The following ABLIM2 variants were observed in gnomAD, a reference collection of about 807,000 sequenced individuals.
The protein encoded by ABLIM2 is actin-binding LIM protein 2.
ABLIM2 carries 53 observed loss-of-function variants against 97.7 expected under a neutral mutation model. That is an observed-to-expected ratio of 0.54 (90% CI 0.44 to 0.68). The LOEUF is 0.68. Ranked by LOEUF, ABLIM2 falls within the 30% of genes least tolerant of loss-of-function variation. The pLI is 0.00. For synonymous variants in ABLIM2, 361 were observed against 345.8 expected (o/e 1.04, Z -0.49); for missense variants, 835 against 867.2 (o/e 0.96, Z 0.47).
In ABLIM2 at chr4:8,112,296, T is replaced by C. The variant is rs1302486580; in HGVS notation, c.11-5659A>G. ...CAGAATGGGAGCCAGCAGGGTCCGG[T>C]TTGGACCCACCATCCAGGGGCAGCG... On this transcript the variant is annotated intron_variant, in intron 1 of 20. Coordinates refer to ENST00000447017, the MANE Select transcript of ABLIM2 (RefSeq NM_001130083.2). The surrounding 1 kb of genome is among the most constrained non-coding windows in gnomAD (Gnocchi z 4.2). Among the ~76,000 whole-genome samples the C allele has an allele frequency of 1.3e-5, 2 of 152,212 alleles. No individual in the cohort carries two copies. Among genetic ancestry groups the C allele is most frequent in the African/African-American group, 2.4e-5 (1 of 41,450 alleles).
intron 9 of ABLIM2, among the ~76,000 whole-genome samples, chr4:8,039,985 G>T (rs1487211334): frequency 6.7e-6 from 1 of 150,236 alleles, no homozygotes; most frequent in Non-Finnish European, 1.5e-5. Flanking sequence ...GGTCTACTGT[G>T]TGCACATTTT....
At position 8,132,538 on chromosome 4, in the gene ABLIM2, T is replaced by C. The variant is rs1849579639; in HGVS notation, c.11-25901A>G. The stretch of plus-strand genomic sequence containing the variant: ...CAGCTCCCTCTGAGTGCTGGATGCC[T>C]CCGTGGGGATGCTCCAGGCACCTCA... On this transcript the variant is annotated intron_variant, in intron 1 of 20. Coordinates refer to ENST00000447017, the MANE Select transcript of ABLIM2 (RefSeq NM_001130083.2). The surrounding 1 kb of genome is among the most constrained non-coding windows in gnomAD (Gnocchi z 8.0). Among the ~76,000 whole-genome samples the C allele has an allele frequency of 2.0e-5, 3 of 152,246 alleles. No homozygotes were observed. The South Asian group carries it at 6.2e-4, about 32-fold the overall frequency.
In ABLIM2 at chr4:8,072,001, G is replaced by A. The variant is rs1812536984; in HGVS notation, c.675+5627C>T. ...GCTCCCCTTCTGCGGAGCCAGGCTT[G>A]TCCCCGCCCGCAGTTCCCACCTTGC... is the stretch of plus-strand genomic sequence containing the variant. On this transcript the variant is annotated intron_variant, in intron 6 of 20. Coordinates refer to ENST00000447017, the MANE Select transcript of ABLIM2 (RefSeq NM_001130083.2). This position sits in a 1 kb window ranked among gnomAD's most constrained non-coding sequence, Gnocchi z 5.8. The A allele has an allele frequency of 3.0e-6, 3 of 985,364 alleles. No homozygotes were observed. The highest frequency in any genetic ancestry group is 3.6e-6 in the Non-Finnish European group (3 of 830,002). The allele number at this position is 985,364 out of a possible 1,614,324, so 61.0% of individuals were successfully genotyped here.
rs571436981 is a variant in ABLIM2, at chr4:8,069,867, G to A, written c.675+7761C>T. ...CCGTGTGTGTTTTCTGTGTGTCTGC[G>A]TTGTCGATGTCTGTGTCCCTGTGTT... On this transcript the variant is annotated intron_variant, in intron 6 of 20. Coordinates refer to ENST00000447017, the MANE Select transcript of ABLIM2 (RefSeq NM_001130083.2). This position sits in a 1 kb window ranked among gnomAD's most constrained non-coding sequence, Gnocchi z 4.2. Among the ~76,000 whole-genome samples the A allele has an allele frequency of 4.6e-5, 7 of 152,038 alleles. No individual in the cohort carries two copies. The highest frequency in any genetic ancestry group is 2.1e-4 in the South Asian group (1 of 4,808).
rs1184810058 is a variant in ABLIM2 at position 8,002,143 on chromosome 4, C to T, written c.1618+5916G>A. ...CCAACTCCCACGGTTCCAGTCCCAT[C>T]TGGGAGCCGGGGACCCTCAGTCTCT... On this transcript the variant is annotated intron_variant, in intron 16 of 20. Coordinates refer to ENST00000447017, the MANE Select transcript of ABLIM2 (RefSeq NM_001130083.2). The surrounding 1 kb of genome is among the most constrained non-coding windows in gnomAD (Gnocchi z 6.1). 6.6e-6 allele frequency among the ~76,000 whole-genome samples: 1 copy of T among 152,182 alleles called. No homozygotes were observed. Among genetic ancestry groups the T allele is most frequent in the South Asian group, 2.1e-4 (1 of 4,834 alleles).
Position 8,040,016 on chromosome 4 carries a change from C to T in ABLIM2, c.901-3721G>A, listed in dbSNP as rs574771283. 1.2e-3 allele frequency among the ~76,000 whole-genome samples: 185 copies of T among 151,864 alleles called. 5 individuals are homozygous for T. The highest frequency in any genetic ancestry group is 9.2e-4 in the Admixed American group (14 of 15,200). On this transcript the variant is annotated intron_variant, in intron 9 of 20. Coordinates refer to ENST00000447017, the MANE Select transcript of ABLIM2 (RefSeq NM_001130083.2). ...ATTTTATCCTGGAAACTAAGATGAA[C>T]GAGGCCCAGTCCCTGCCCGCCAAGC...
At position 8,024,664 on chromosome 4, in the gene ABLIM2, C is replaced by T. The variant is rs535919089; in HGVS notation, c.1267+3095G>A. 5.3e-5 allele frequency among the ~76,000 whole-genome samples: 8 copies of T among 152,316 alleles called. No individual in the cohort carries two copies. The East Asian group carries it at 1.2e-3, about 22-fold the overall frequency. On this transcript the variant is annotated intron_variant, in intron 12 of 20. Coordinates refer to ENST00000447017, the MANE Select transcript of ABLIM2 (RefSeq NM_001130083.2). Reference sequence around the variant, plus strand: ...GGCACCTTCGTGTGGCCTCCGAGGTCGACCCAGGACCTGAGGGTGAACACA... The same window carrying T: ...GGCACCTTCGTGTGGCCTCCGAGGTTGACCCAGGACCTGAGGGTGAACACA...
At position 8,150,328 on chromosome 4, in the gene ABLIM2, C is replaced by T. The variant is rs988335383; in HGVS notation, c.10+8352G>A. Among the ~76,000 whole-genome samples, 1 of 152,152 alleles carries T rather than the reference C, an allele frequency of 6.6e-6. No individual in the cohort carries two copies. Among genetic ancestry groups the T allele is most frequent in the African/African-American group, 2.4e-5 (1 of 41,438 alleles). ...TGAGGAGGCCATGCTGAACTGGGGA[C>T]GGAGTTCCACCCATCACACATCCTC... On this transcript the variant is annotated intron_variant, in intron 1 of 20. Coordinates refer to ENST00000447017, the MANE Select transcript of ABLIM2 (RefSeq NM_001130083.2). This position sits in a 1 kb window ranked among gnomAD's most constrained non-coding sequence, Gnocchi z 6.3.
chr4:8,019,477 A>G lies in ABLIM2; in HGVS notation c.1423+141T>C, dbSNP rs1771963127. On this transcript the variant is annotated intron_variant, in intron 14 of 20. Transcript: ENST00000447017. This position sits in a 1 kb window ranked among gnomAD's most constrained non-coding sequence, Gnocchi z 4.3. The stretch of plus-strand genomic sequence containing the variant: ...CTCGGGAGGCTGCTAGTGAATTTGC[A>G]TTTAATAGTCAGACTGCTAAGGGCC... 1.4e-6 allele frequency: 1 copy of G among 715,966 alleles called. No individual in the cohort carries two copies. Among genetic ancestry groups the G allele is most frequent in the Non-Finnish European group, 2.2e-6 (1 of 447,100 alleles). The allele number at this position is 715,966 out of a possible 1,614,324, so 44.4% of individuals were successfully genotyped here.
intron 1 of ABLIM2, among the ~76,000 whole-genome samples, chr4:8,154,946 G>A (rs746896932): frequency 6.6e-6 from 1 of 152,224 alleles, no homozygotes; most frequent in Admixed American, 6.5e-5. Flanking sequence ...GCAAGAGAGC[G>A]TGTGCAGGGG....
chr4:7,970,666 G>A lies in ABLIM2; in HGVS notation c.1825-3563C>T, dbSNP rs1005060249. 6.6e-6 allele frequency among the ~76,000 whole-genome samples: 1 copy of A among 151,876 alleles called. No homozygotes were observed. Among genetic ancestry groups the A allele is most frequent in the Non-Finnish European group, 1.5e-5 (1 of 67,970 alleles). On this transcript the variant is annotated intron_variant, in intron 20 of 20. Transcript: ENST00000447017. The surrounding 1 kb of genome is among the most constrained non-coding windows in gnomAD (Gnocchi z 5.3). ...GGAGGTGGGTGTGGGAAGCAGAGGT[G>A]CCCTTGGGGATGACTGTGGGGGGGC...
intron 7 of ABLIM2, among the ~76,000 whole-genome samples, chr4:8,059,245 C>A (rs1020138223): frequency 6.6e-6 from 1 of 152,032 alleles, no homozygotes; most frequent in African/African-American, 2.4e-5. Context: ...ACAGGACTAG[C>A]AGGCCAGAAT....
intron 20 of ABLIM2, among the ~76,000 whole-genome samples, chr4:7,973,501 GAA>G (rs35927675): frequency 5.7e-5 from 8 of 139,416 alleles, no homozygotes; most frequent in Non-Finnish European, 1.1e-4. Context: ...ACTACGTCTT[GAA>G]AAAAAAAAAA....
chr4:8,158,647 G>T (rs1367678296), intron 1 of ABLIM2, 33 bp downstream of exon 1: 1 of 1,504,230 alleles, frequency 6.6e-7, no homozygotes, highest in Non-Finnish European at 8.8e-7. Context: ...GCCAGCGCGG[G>T]GACCCGTTGG....
intron 9 of ABLIM2, 126 bp from the exon 10 acceptor site, chr4:8,036,421 G>A: frequency 8.5e-7 from 1 of 1,170,054 alleles, no homozygotes; most frequent in Non-Finnish European, 1.2e-6. Context: ...ACAGGACAGT[G>A]CCCCCAAAGC....
rs1039581109 is a variant in ABLIM2, at chr4:7,992,653, T to G, written c.1680+213A>C. On this transcript the variant is annotated intron_variant, in intron 17 of 20. Coordinates refer to ENST00000447017, the MANE Select transcript of ABLIM2 (RefSeq NM_001130083.2). The surrounding 1 kb of genome is among the most constrained non-coding windows in gnomAD (Gnocchi z 5.7). The stretch of plus-strand genomic sequence containing the variant: ...TGGGGTCGGGGGCAGGGAGGCAGAG[T>G]GGGGAGGGTGTTGCCCAGGTCTGGT... Among the ~76,000 whole-genome samples, 11 of 151,418 alleles carry G rather than the reference T, an allele frequency of 7.3e-5. No homozygotes were observed. The highest frequency in any genetic ancestry group is 2.4e-4 in the African/African-American group (10 of 41,166).
At chr4:7,981,886 G>T (rs1011637043) in intron 20 of ABLIM2, among the ~76,000 whole-genome samples, 5 of 150,214 alleles carry the variant, frequency 3.3e-5, no homozygotes, top group African/African-American at 4.9e-5. Context: ...AGTGTTCCTG[G>T]TAAGGACGTA....
intron 14 of ABLIM2, chr4:8,010,739 T>G: frequency 2.9e-6 from 1 of 348,084 alleles, no homozygotes; most frequent in Non-Finnish European, 4.0e-6. Context: ...AAGAAGCGCT[T>G]AATGGAGAGG....
rs540399990 is a variant in ABLIM2 at position 8,153,689 on chromosome 4, A to C, written c.10+4991T>G. ...GAATCGCCGGGCTTCTCCCGGAGTG[A>C]TGGGTTTCTACCAGCGCTGGAGGCA... On this transcript the variant is annotated intron_variant, in intron 1 of 20. Transcript: ENST00000447017. 4.3e-4 allele frequency among the ~76,000 whole-genome samples: 65 copies of C among 149,742 alleles called. No homozygotes were observed. The South Asian group carries it at 0.013, about 31-fold the overall frequency.
Sources: allele counts gnomAD v4.1 joint callset (sites outside exome capture counted in the v4.1 genomes callset), GRCh38; gene constraint gnomAD v4.1.1; non-coding constraint Gnocchi (gnomAD v3.1); transcripts MANE v1.5; gene names NCBI Gene and HGNC (gene_info 2026-07-23, HGNC 2026-07-21).